TMEM232: variants seen among roughly 807,000 people sequenced by gnomAD.
TMEM232 encodes transmembrane protein 232.
In TMEM232, 80 loss-of-function variants were observed where a neutral mutation model predicts 78.8. That is an observed-to-expected ratio of 1.01 (90% confidence interval 0.85 to 1.22). TMEM232 has a LOEUF of 1.22. TMEM232 is among the 50% of genes most tolerant of loss of function. The pLI, the probability that TMEM232 is intolerant of heterozygous loss-of-function variation, is 0.00. For missense variants in TMEM232, 881 were observed against 742.2 expected, an observed-to-expected ratio of 1.19 and a Z score of -2.17; for synonymous variants, 297 against 254.3, an observed-to-expected ratio of 1.17 and a Z score of -1.60.
intron 2 of TMEM232, among the ~76,000 whole-genome samples, chr5:110,406,894 G>T (rs1225750497): frequency 6.6e-6 from 1 of 152,054 alleles, no homozygotes; most frequent in Non-Finnish European, 1.5e-5. Context: ...ATTCTTTGGT[G>T]TTCTAAGATA....
intron 12 of TMEM232, among the ~76,000 whole-genome samples, chr5:110,450,786 T>C (rs1381279988): frequency 6.6e-6 from 1 of 152,194 alleles, no homozygotes; most frequent in Non-Finnish European, 1.5e-5. Context: ...ATCTTTATTG[T>C]GTCTTTCCTG....
At chr5:110,643,917 C>T (rs979473422) in intron 2 of TMEM232, among the ~76,000 whole-genome samples, 11 of 151,938 alleles carry the variant, frequency 7.2e-5, no homozygotes, top group South Asian at 2.1e-4. Flanking sequence ...CCTTTAACTG[C>T]TATTTTTTAA....
chr5:110,556,989 C>T (rs1260976275), intron 11 of TMEM232, among the ~76,000 whole-genome samples: 1 of 151,992 alleles, frequency 6.6e-6, no homozygotes, highest in Non-Finnish European at 1.5e-5. Flanking sequence ...TGTTTGTCTC[C>T]CTCTCTTTCA....
intron 1 of TMEM232, among the ~76,000 whole-genome samples, chr5:110,735,240 T>C (rs1010354903): frequency 6.6e-5 from 10 of 152,234 alleles, no homozygotes; most frequent in African/African-American, 2.4e-4. Context: ...CACTTTTGTT[T>C]GGTAGGACCA....
At position 110,606,234 on chromosome 5, in the gene TMEM232, A is replaced by G. The variant is rs953083041; in HGVS notation, c.956T>C (p.Met319Thr). Residue 319 changes from methionine to threonine, a missense_variant, in exon 9 of 14, where the codon ATG becomes ACG. By Grantham distance (81) the Met-to-Thr change is moderately conservative. Coordinates refer to ENST00000455884, the MANE Select transcript of TMEM232 (RefSeq NM_001039763.4). Reference sequence around the variant, plus strand: ...GTCCATTAAAGCTTTCAAGCAGGCCATGTTTAATTTGGCAGCCTCCCCAAG... The same window carrying G: ...GTCCATTAAAGCTTTCAAGCAGGCCGTGTTTAATTTGGCAGCCTCCCCAAG... ...LVLGEAAKLN[M>T]ACLKALMDVV... The G allele has an allele frequency of 6.5e-7, 1 of 1,544,026 alleles. No individual in the cohort carries two copies. The highest frequency in any genetic ancestry group is 2.4e-5 in the East Asian group (1 of 40,834).
chr5:110,508,651 A>T (rs891787433), intron 12 of TMEM232, among the ~76,000 whole-genome samples: 17 of 150,444 alleles, frequency 1.1e-4, no homozygotes, highest in African/African-American at 4.1e-4. Flanking sequence ...ATTTCATTGT[A>T]GCCCTTGACA....
At chr5:110,399,451 G>A (rs1234661675) in intron 2 of TMEM232, among the ~76,000 whole-genome samples, 4 of 151,942 alleles carry the variant, frequency 2.6e-5, no homozygotes, top group African/African-American at 9.7e-5. Flanking sequence ...AATCCCTTTG[G>A]GAGACAATGA....
At chr5:110,474,123 A>G (rs991095524) in intron 12 of TMEM232, among the ~76,000 whole-genome samples, 6 of 151,816 alleles carry the variant, frequency 4.0e-5, no homozygotes, top group African/African-American at 1.4e-4. Flanking sequence ...ACATTTCAAA[A>G]TAGCTATAAG....
chr5:110,687,883 T>C (rs888253966), intron 1 of TMEM232, among the ~76,000 whole-genome samples: 38 of 152,280 alleles, frequency 2.5e-4, no homozygotes, highest in African/African-American at 7.7e-4. Context: ...TTTGGAAATT[T>C]GCAGAGTAGT....
chr5:110,594,812 C>A (rs1779955785), intron 10 of TMEM232, among the ~76,000 whole-genome samples: 1 of 152,214 alleles, frequency 6.6e-6, no homozygotes, highest in South Asian at 2.1e-4. Flanking sequence ...AAACTCCCAT[C>A]TCCCTGGGAC....
chr5:110,534,878 C>T (rs900357493), intron 11 of TMEM232, among the ~76,000 whole-genome samples: 1 of 152,134 alleles, frequency 6.6e-6, no homozygotes, highest in African/African-American at 2.4e-5. Flanking sequence ...TCCAGGCCAT[C>T]ACCAATAATT....
At chr5:110,532,176 G>A (rs377298279) in intron 11 of TMEM232, among the ~76,000 whole-genome samples, 7 of 151,996 alleles carry the variant, frequency 4.6e-5, no homozygotes, top group Non-Finnish European at 8.8e-5. Context: ...CTCCTAAGCC[G>A]TATCCCATTT....
intron 11 of TMEM232, among the ~76,000 whole-genome samples, chr5:110,536,190 C>G (rs563538358): frequency 6.6e-6 from 1 of 152,202 alleles, no homozygotes; most frequent in African/African-American, 2.4e-5. Flanking sequence ...TGCAGGTTTC[C>G]GGCTGGGGCC....
At chr5:110,624,664 T>C (rs1784188770) in intron 7 of TMEM232, among the ~76,000 whole-genome samples, 1 of 152,088 alleles carries the variant, frequency 6.6e-6, no homozygotes, top group African/African-American at 2.4e-5. Flanking sequence ...AATGGTGAAC[T>C]AGTAATTTGC....
intron 1 of TMEM232, among the ~76,000 whole-genome samples, chr5:110,697,344 T>G (rs1482976516): frequency 6.6e-6 from 1 of 151,926 alleles, no homozygotes; most frequent in Non-Finnish European, 1.5e-5. Context: ...CCATGAAAAC[T>G]CTAGAAGAAA....
At chr5:110,567,165 G>A (rs186559514) in intron 11 of TMEM232, among the ~76,000 whole-genome samples, 1 of 151,968 alleles carries the variant, frequency 6.6e-6, no homozygotes, top group Non-Finnish European at 1.5e-5. Flanking sequence ...TATAATTCAA[G>A]ATGAGATTGG....
chr5:110,528,768 T>C lies in TMEM232; in HGVS notation c.1523A>G (p.Glu508Gly). ...YSTNISSNVG[E>G]EVFSKYIGWR... ...CCCAATATATTTGGAGAAAACTTCT[T>C]CTCCTACATTTGATGAAATATTTGT... Residue 508 changes from glutamate to glycine, a missense_variant, in exon 12 of 14, where the codon GAA becomes GGA. By Grantham distance (98) the Glu-to-Gly change is moderately conservative (BLOSUM62 -2). Coordinates refer to ENST00000455884, the MANE Select transcript of TMEM232 (RefSeq NM_001039763.4). The C allele has an allele frequency of 1.3e-6, 2 of 1,533,558 alleles. No individual in the cohort carries two copies. Among genetic ancestry groups the C allele is most frequent in the Non-Finnish European group, 1.7e-6 (2 of 1,145,690 alleles). The allele number at this position is 1,533,558 out of a possible 1,614,324, so 95.0% of individuals were successfully genotyped here.
At chr5:110,722,624 TGCCTTTATACCTA>T (rs1453689044) in intron 1 of TMEM232, among the ~76,000 whole-genome samples, 3 of 152,172 alleles carry the variant, frequency 2.0e-5, no homozygotes, top group African/African-American at 7.2e-5. Flanking sequence ...AAAGCTTAAA[TGCCTTTATACCTA>T]GCCTTGCAAA....
chr5:110,394,973 C>T (rs1755331192), intron 3 of TMEM232, among the ~76,000 whole-genome samples: 1 of 152,092 alleles, frequency 6.6e-6, no homozygotes, highest in Non-Finnish European at 1.5e-5. Context: ...TTGGGGCATT[C>T]TCTGTTGTTT....
Sources: allele counts gnomAD v4.1 joint callset (sites outside exome capture counted in the v4.1 genomes callset), GRCh38; gene constraint gnomAD v4.1.1; transcripts MANE v1.5; gene names NCBI Gene and HGNC (gene_info 2026-07-23, HGNC 2026-07-21).